SYT16: variants seen among roughly 807,000 people sequenced by gnomAD.
SYT16 encodes the protein synaptotagmin-16.
A neutral mutation model predicts 61.4 loss-of-function variants in SYT16; 42 were observed. The observed-to-expected ratio is 0.68, with a 90% CI of 0.53 to 0.89. SYT16 has a LOEUF of 0.89. Among genes scored for constraint, SYT16 ranks in the 40% least tolerant of loss-of-function variants. The pLI, the probability that SYT16 is intolerant of heterozygous loss-of-function variation, is 0.00. For synonymous variants in SYT16, 314 were observed against 302.3 expected, an observed-to-expected ratio of 1.04 and a Z score of -0.40; for missense variants, 804 against 807.3, an observed-to-expected ratio of 1.00 and a Z score of 0.05.
In SYT16 at chr14:61,842,380, G is replaced by A. The variant is rs572860661; in HGVS notation, c.-325+29570G>A. 2.4e-4 allele frequency among the ~76,000 whole-genome samples: 37 copies of A among 152,162 alleles called. 1 individual carries two copies. The highest frequency in any genetic ancestry group is 8.4e-4 in the African/African-American group (35 of 41,516). The stretch of plus-strand genomic sequence containing the variant: ...TTCTACTATCTATGTCCATGAGTTC[G>A]ATTGCTTTGAATTTTAGGTCCCACA... On this transcript the variant is annotated intron_variant, in intron 1 of 7. Transcript: ENST00000683842.
intron 3 of SYT16, among the ~76,000 whole-genome samples, chr14:62,018,657 T>G (rs1408137127): frequency 1.3e-5 from 2 of 152,114 alleles, no homozygotes; most frequent in South Asian, 4.1e-4. Flanking sequence ...ACTAGCTGTT[T>G]CCCCTATCTG....
At chr14:61,830,895 G>A (rs1279725872) in intron 1 of SYT16, among the ~76,000 whole-genome samples, 1 of 152,200 alleles carries the variant, frequency 6.6e-6, no homozygotes, top group Non-Finnish European at 1.5e-5. Flanking sequence ...GCCAGGCAAG[G>A]ATGGTCAACA....
intron 5 of SYT16, among the ~76,000 whole-genome samples, chr14:62,078,750 TATTGG>T (rs1372743000): frequency 3.9e-5 from 6 of 152,200 alleles, no homozygotes; most frequent in Non-Finnish European, 8.8e-5. Flanking sequence ...ACTTCACATA[TATTGG>T]TGTCAAGCAG....
chr14:62,106,794 A>G lies in SYT16; in HGVS notation c.*6087A>G, dbSNP rs8007641. 1 of 152,036 alleles carries G rather than the reference A, an allele frequency of 6.6e-6. No homozygotes were observed. The highest frequency in any genetic ancestry group is 1.5e-5 in the Non-Finnish European group (1 of 68,018). 9.4% of individuals were successfully genotyped at this position (152,036 alleles called of 1,614,324 possible). A position where few individuals can be genotyped will look rare whatever the true frequency, so the allele number is the denominator to read the frequency against. On this transcript the variant is annotated 3_prime_UTR_variant, in exon 8 of 8. Coordinates refer to ENST00000683842, the MANE Select transcript of SYT16 (RefSeq NM_001367656.1). ...AAACCATATCCTAGACACACAGACAATAATCACCTTATTTATATCCACTGT... is the reference window on the plus strand; with the variant it reads ...AAACCATATCCTAGACACACAGACAGTAATCACCTTATTTATATCCACTGT...
intron 1 of SYT16, among the ~76,000 whole-genome samples, chr14:61,969,773 A>G (rs1465383284): frequency 6.6e-6 from 1 of 152,206 alleles, no homozygotes; most frequent in African/African-American, 2.4e-5. Context: ...CTGGTCAACC[A>G]TGTCCAGCTA....
intron 3 of SYT16, among the ~76,000 whole-genome samples, chr14:61,997,369 G>A (rs978837278): frequency 3.9e-5 from 6 of 152,024 alleles, no homozygotes; most frequent in Non-Finnish European, 8.8e-5. Flanking sequence ...AGTCATTTAT[G>A]TGATCTAAAG....
In SYT16 at chr14:62,102,643, G is replaced by GT. The variant is rs989065394; in HGVS notation, c.*1939dup. ...ACATCTCTTACTCTTTATGCCTTGTGTTTAAAGGGAAGTAGAACAGCCTCG... is the reference window on the plus strand; with the variant it reads ...ACATCTCTTACTCTTTATGCCTTGTGTTTTAAAGGGAAGTAGAACAGCCTCG... On this transcript the variant is annotated 3_prime_UTR_variant, in exon 8 of 8. Coordinates refer to ENST00000683842, the MANE Select transcript of SYT16 (RefSeq NM_001367656.1). 6.6e-6 allele frequency: 1 copy of GT among 152,132 alleles called. No homozygotes were observed. The highest frequency in any genetic ancestry group is 1.5e-5 in the Non-Finnish European group (1 of 68,016). 9.4% of individuals were successfully genotyped at this position (152,132 alleles called of 1,614,324 possible). A position where few individuals can be genotyped will look rare whatever the true frequency, so the allele number is the denominator to read the frequency against.
At position 62,059,625 on chromosome 14, in the gene SYT16, T is replaced by C. The variant is rs143323865; in HGVS notation, c.524-9978T>C. ...TCCTTGGGTATTCTATAGTTTAAAG[T>C]TTTACAGTTAGATTTAGGATTAATT... is the stretch of plus-strand genomic sequence containing the variant. On this transcript the variant is annotated intron_variant, in intron 3 of 7. Coordinates refer to ENST00000683842, the MANE Select transcript of SYT16 (RefSeq NM_001367656.1). 2.7e-3 allele frequency among the ~76,000 whole-genome samples: 410 copies of C among 150,106 alleles called. 2 individuals carry two copies. The highest frequency in any genetic ancestry group is 9.5e-3 in the African/African-American group (389 of 41,130).
At chr14:62,022,565 T>G (rs1316623632) in intron 3 of SYT16, among the ~76,000 whole-genome samples, 1 of 152,110 alleles carries the variant, frequency 6.6e-6, no homozygotes, top group African/African-American at 2.4e-5. Context: ...GGCCCCTATT[T>G]CTTCAGATAT....
chr14:61,992,000 G>C (rs943347480), intron 2 of SYT16, among the ~76,000 whole-genome samples: 2 of 151,664 alleles, frequency 1.3e-5, no homozygotes, highest in Admixed American at 1.3e-4. Context: ...ATGGAACATG[G>C]AGAGCCCCTG....
At chr14:62,088,966 TTTTAA>T (rs1193920318) in intron 7 of SYT16, among the ~76,000 whole-genome samples, 1 of 151,990 alleles carries the variant, frequency 6.6e-6, no homozygotes, top group Non-Finnish European at 1.5e-5. Flanking sequence ...TTTTTTTTTT[TTTTAA>T]TTAGAGTGAT....
At chr14:62,031,429 C>T (rs1252401748) in intron 3 of SYT16, among the ~76,000 whole-genome samples, 2 of 152,162 alleles carry the variant, frequency 1.3e-5, no homozygotes, top group African/African-American at 2.4e-5. Context: ...AGTTCAACTT[C>T]ATTTGAAAGG....
intron 1 of SYT16, among the ~76,000 whole-genome samples, chr14:61,884,973 G>A (rs2047845228): frequency 6.6e-6 from 1 of 152,260 alleles, no homozygotes; most frequent in South Asian, 2.1e-4. Context: ...TTTTGACATG[G>A]GGCCATAAAC....
At chr14:61,998,187 A>G (rs560026002) in intron 3 of SYT16, among the ~76,000 whole-genome samples, 3 of 151,946 alleles carry the variant, frequency 2.0e-5, no homozygotes, top group African/African-American at 7.2e-5. Context: ...ACATACACAT[A>G]TTCTTTTTTT....
chr14:61,868,523 T>G (rs1272437799), intron 1 of SYT16, among the ~76,000 whole-genome samples: 1 of 151,944 alleles, frequency 6.6e-6, no homozygotes, highest in Non-Finnish European at 1.5e-5. Context: ...TTTATTCATT[T>G]CAAAAAATTT....
At chr14:61,992,371 C>T (rs191259683) in intron 2 of SYT16, among the ~76,000 whole-genome samples, 12 of 152,226 alleles carry the variant, frequency 7.9e-5, no homozygotes, top group Non-Finnish European at 1.3e-4. Context: ...GCTGAGTTCT[C>T]ATGGCGCGGC....
At chr14:61,986,345 T>C (rs1368502914) in intron 2 of SYT16, among the ~76,000 whole-genome samples, 1 of 151,734 alleles carries the variant, frequency 6.6e-6, no homozygotes, top group Admixed American at 6.6e-5. Context: ...TTTATAGACA[T>C]TCTCATTCTG....
intron 3 of SYT16, among the ~76,000 whole-genome samples, chr14:62,004,190 T>C (rs2053130685): frequency 6.6e-6 from 1 of 152,168 alleles, no homozygotes; most frequent in Non-Finnish European, 1.5e-5. Context: ...CTTACAATTA[T>C]GGCAGAAGGT....
chr14:61,871,438 A>C (rs1038494203), intron 1 of SYT16, among the ~76,000 whole-genome samples: 5 of 151,306 alleles, frequency 3.3e-5, no homozygotes, highest in Non-Finnish European at 7.4e-5. Flanking sequence ...GCTTCCCCAA[A>C]CTCCACCCTG....
Sources: gnomAD v4.1 joint callset for allele counts (sites outside exome capture counted in the v4.1 genomes callset) on GRCh38, gnomAD v4.1.1 for gene constraint, MANE v1.5 for transcripts, NCBI Gene and HGNC (gene_info 2026-07-23, HGNC 2026-07-21) for gene names.